HPSE2: variants seen among roughly 807,000 people sequenced by gnomAD.
The protein encoded by HPSE2 is heparanase 2 (inactive), also known as inactive heparanase-2.
HPSE2 carries 38 observed loss-of-function variants against 60.5 expected under a neutral mutation model. The observed-to-expected ratio is 0.63, with a 90% confidence interval of 0.48 to 0.82. The LOEUF is 0.82. Ranked by LOEUF, HPSE2 falls within the 40% of genes least tolerant of loss-of-function variation. HPSE2 has a pLI of 0.00. For synonymous variants in HPSE2, 295 were observed against 293.2 expected (o/e 1.01, Z -0.06); for missense variants, 713 against 740.4 (o/e 0.96, Z 0.43).
intron 8 of HPSE2, among the ~76,000 whole-genome samples, chr10:98,615,726 A>G (rs1466717845): frequency 1.3e-5 from 2 of 152,180 alleles, no homozygotes; most frequent in African/African-American, 4.8e-5. Context: ...AGTTCTTCCA[A>G]CACTGCTAAC....
Position 98,534,486 on chromosome 10 carries a change from C to T in HPSE2, c.1321-44290G>A, listed in dbSNP as rs1943222298. On this transcript the variant is annotated intron_variant, in intron 9 of 11. Coordinates refer to ENST00000370552, the MANE Select transcript of HPSE2 (RefSeq NM_021828.5). ...GTGATGTGATCTCTGCTCACTGCAACCTCCGCCTCTTGGGATCAAGCGATT... is the reference window on the plus strand; with the variant it reads ...GTGATGTGATCTCTGCTCACTGCAATCTCCGCCTCTTGGGATCAAGCGATT... 3.3e-5 allele frequency among the ~76,000 whole-genome samples: 5 copies of T among 152,056 alleles called. No homozygotes were observed. The South Asian group carries it at 1.0e-3, about 32-fold the overall frequency.
intron 3 of HPSE2, among the ~76,000 whole-genome samples, chr10:98,937,697 A>G (rs1383047438): frequency 7.0e-6 from 1 of 142,078 alleles, no homozygotes; most frequent in Non-Finnish European, 1.5e-5. Flanking sequence ...ACCTCTGCAG[A>G]CTTAAATGTC....
rs368393104 is a variant in HPSE2 at position 98,938,220 on chromosome 10, C to T, written c.611-194164G>A. On this transcript the variant is annotated intron_variant, in intron 3 of 11. Coordinates refer to ENST00000370552, the MANE Select transcript of HPSE2 (RefSeq NM_021828.5). Reference sequence around the variant, plus strand: ...AAGGAACGCAGTTCCTCACCAGCAACGGAACAAAGCTGGACGGAGAATGAC... The same window carrying T: ...AAGGAACGCAGTTCCTCACCAGCAATGGAACAAAGCTGGACGGAGAATGAC... 1.4e-3 allele frequency among the ~76,000 whole-genome samples: 205 copies of T among 144,540 alleles called. 30 individuals are homozygous for T. Among genetic ancestry groups the T allele is most frequent in the African/African-American group, 4.8e-3 (170 of 35,598 alleles). The allele number at this position is 144,540 out of a possible 152,430, so 94.8% of individuals were successfully genotyped here. A position where few individuals can be genotyped will look rare whatever the true frequency, so the allele number is the denominator to read the frequency against.
chr10:98,818,824 A>G (rs1951351813), intron 3 of HPSE2, among the ~76,000 whole-genome samples: 1 of 152,162 alleles, frequency 6.6e-6, no homozygotes, highest in Non-Finnish European at 1.5e-5. Context: ...ATGTTCATAA[A>G]TAGTTTAGAT....
chr10:98,797,644 C>G (rs1950807129), intron 3 of HPSE2, among the ~76,000 whole-genome samples: 1 of 151,858 alleles, frequency 6.6e-6, no homozygotes, highest in Non-Finnish European at 1.5e-5. Flanking sequence ...GCGATCAAGA[C>G]CATCCTGGCT....
intron 3 of HPSE2, among the ~76,000 whole-genome samples, chr10:98,761,269 AC>A (rs1949998542): frequency 1.3e-5 from 2 of 152,180 alleles, no homozygotes; most frequent in South Asian, 4.2e-4. Context: ...ACATTAGAAA[AC>A]CCGTAGAAAA....
intron 3 of HPSE2, among the ~76,000 whole-genome samples, chr10:99,112,014 C>A (rs1730727005): frequency 6.6e-6 from 1 of 152,166 alleles, no homozygotes; most frequent in South Asian, 2.1e-4. Flanking sequence ...ACAGTGCTAG[C>A]ACATGCCAGC....
chr10:98,597,529 GA>G (rs1945274163), intron 9 of HPSE2, among the ~76,000 whole-genome samples: 1 of 151,936 alleles, frequency 6.6e-6, no homozygotes, highest in Non-Finnish European at 1.5e-5. Flanking sequence ...AAAATAGCCG[GA>G]TGTGGTGGCA....
chr10:99,271,249 C>G, the HPSE2 span, among the ~76,000 whole-genome samples: 387 of 152,222 alleles, frequency 2.5e-3, 3 homozygotes, highest in African/African-American at 8.6e-3. Flanking sequence ...AAAGACTCAT[C>G]CAAAAAGCTC....
intron 3 of HPSE2, among the ~76,000 whole-genome samples, chr10:98,834,446 A>G (rs1192456636): frequency 6.6e-6 from 1 of 152,180 alleles, no homozygotes; most frequent in African/African-American, 2.4e-5. Context: ...AAATGAGGGG[A>G]AGCAGGTTTG....
At chr10:98,969,905 G>A (rs896707291) in intron 3 of HPSE2, among the ~76,000 whole-genome samples, 1 of 152,098 alleles carries the variant, frequency 6.6e-6, no homozygotes, top group Non-Finnish European at 1.5e-5. Context: ...AAGGTGAAGG[G>A]AGAGAAGGTG....
chr10:98,627,480 C>T (rs531571491), intron 7 of HPSE2, among the ~76,000 whole-genome samples: 1 of 152,228 alleles, frequency 6.6e-6, no homozygotes, highest in African/African-American at 2.4e-5. Flanking sequence ...TCTCTTCTGA[C>T]TTGCAGGGAG....
chr10:98,990,006 G>A (rs1410989251), intron 3 of HPSE2, among the ~76,000 whole-genome samples: 2 of 152,124 alleles, frequency 1.3e-5, no homozygotes, highest in Non-Finnish European at 2.9e-5. Context: ...TGAGACAAGT[G>A]CACAGTGTTA....
At chr10:98,808,541 G>A (rs78227878) in intron 3 of HPSE2, among the ~76,000 whole-genome samples, 1,810 of 152,196 alleles carry the variant, frequency 0.012, 24 homozygotes, top group African/African-American at 0.041. Flanking sequence ...TGCCTGAGCA[G>A]CCCTTCAACT....
chr10:98,808,412 G>A (rs1951091428), intron 3 of HPSE2, among the ~76,000 whole-genome samples: 2 of 152,108 alleles, frequency 1.3e-5, no homozygotes, highest in Non-Finnish European at 2.9e-5. Context: ...GGGCATTACA[G>A]CTTCATCCAG....
At chr10:98,775,078 T>A (rs1008599399) in intron 3 of HPSE2, among the ~76,000 whole-genome samples, 8 of 152,192 alleles carry the variant, frequency 5.3e-5, no homozygotes, top group Non-Finnish European at 1.2e-4. Context: ...TGCTGAGAGA[T>A]ACAGGCAGAA....
chr10:99,142,640 C>T (rs1280074017), intron 3 of HPSE2, among the ~76,000 whole-genome samples: 1 of 152,114 alleles, frequency 6.6e-6, no homozygotes, highest in East Asian at 1.9e-4. Flanking sequence ...AGAAAGTAAG[C>T]AAGTTGTCAG....
At chr10:99,082,406 T>C (rs558838217) in intron 3 of HPSE2, among the ~76,000 whole-genome samples, 71 of 152,294 alleles carry the variant, frequency 4.7e-4, no homozygotes, top group Non-Finnish European at 8.1e-4. Flanking sequence ...CTCTTTCATA[T>C]CTTTGTTAAG....
intron 6 of HPSE2, among the ~76,000 whole-genome samples, chr10:98,657,874 AG>A (rs1195808348): frequency 3.9e-5 from 6 of 152,168 alleles, no homozygotes; most frequent in Non-Finnish European, 8.8e-5. Context: ...TGGCACCAAT[AG>A]TTGGTAAGGT....
Sources: gnomAD v4.1 joint callset for allele counts (sites outside exome capture counted in the v4.1 genomes callset) on GRCh38, gnomAD v4.1.1 for gene constraint, MANE v1.5 for transcripts, NCBI Gene and HGNC (gene_info 2026-07-23, HGNC 2026-07-21) for gene names.